The following ZNF367 variants were observed in gnomAD, a reference collection of about 807,000 sequenced individuals.
ZNF367 encodes the protein C2H2 zinc finger protein ZFF29.
Under a neutral mutation model 31.8 loss-of-function variants are expected in ZNF367, and 11 were observed. The observed-to-expected ratio is 0.35, with a 90% CI of 0.22 to 0.57. The LOEUF is 0.57. Among genes scored for constraint, ZNF367 ranks in the 20% least tolerant of loss-of-function variants. The pLI, the probability that ZNF367 is intolerant of heterozygous loss-of-function variation, is 0.85. For missense variants in ZNF367, 353 were observed against 484.1 expected (o/e 0.73, Z 2.54); for synonymous variants, 199 against 202.4 (o/e 0.98, Z 0.14).
At chr9:96,390,711 C>G (rs1463371382) in intron 4 of ZNF367, among the ~76,000 whole-genome samples, 1 of 151,876 alleles carries the variant, frequency 6.6e-6, no homozygotes, top group Non-Finnish European at 1.5e-5. Context: ...TGACAAGACC[C>G]AGTCTCTACA....
chr9:96,394,932 G>A lies in ZNF367; in HGVS notation c.582C>T (p.Pro194=). ...AHKRTHTGER[P]YLCDYPDCGK... ...CACAGTCTGGATAGTCACACAGATA[G>A]GGCCTCTCACCTAAGTAGACAGATG... Residue 194 remains proline (P), a synonymous_variant, in exon 3 of 5, where the codon CCC becomes CCT. Transcript: ENST00000375256. 1.9e-6 allele frequency: 3 copies of A among 1,613,946 alleles called. No homozygotes were observed. Among genetic ancestry groups the A allele is most frequent in the Non-Finnish European group, 2.5e-6 (3 of 1,179,916 alleles).
intron 4 of ZNF367, among the ~76,000 whole-genome samples, chr9:96,389,720 GTTTTTATTTA>G (rs1322587730): frequency 6.6e-6 from 1 of 151,714 alleles, no homozygotes; most frequent in Non-Finnish European, 1.5e-5. Flanking sequence ...CAACAAAGCT[GTTTTTATTTA>G]TTTTTATTTT....
chr9:96,398,050 A>C (rs1483174683), intron 2 of ZNF367, 114 bp downstream of exon 2: 12 of 1,051,636 alleles, frequency 1.1e-5, no homozygotes, highest in Non-Finnish European at 1.4e-5. Flanking sequence ...AGATCGCGCC[A>C]CTGCACTCCA....
chr9:96,394,528 G>GGATA (rs1363909365), intron 3 of ZNF367, among the ~76,000 whole-genome samples: 1 of 152,130 alleles, frequency 6.6e-6, no homozygotes, highest in East Asian at 1.9e-4. Context: ...TTGAGAGGAT[G>GGATA]GATAGCCCAT....
intron 1 of ZNF367, among the ~76,000 whole-genome samples, chr9:96,400,490 G>T (rs551863402): frequency 6.7e-6 from 1 of 149,902 alleles, no homozygotes; most frequent in South Asian, 2.1e-4. Context: ...CAAAGAGACA[G>T]AAATTATAAA....
At chr9:96,410,863 C>T (rs559272774) in intron 1 of ZNF367, among the ~76,000 whole-genome samples, 9 of 150,702 alleles carry the variant, frequency 6.0e-5, no homozygotes, top group Middle Eastern at 3.4e-3. Flanking sequence ...GGCAACAGAG[C>T]GAGACTCTGT....
At chr9:96,389,148 A>G (rs7035328) in intron 4 of ZNF367, among the ~76,000 whole-genome samples, 1 of 151,704 alleles carries the variant, frequency 6.6e-6, no homozygotes, top group Admixed American at 6.6e-5. Flanking sequence ...AAATACAAAA[A>G]AATTTGCCGG....
intron 1 of ZNF367, among the ~76,000 whole-genome samples, chr9:96,406,503 A>G (rs552128928): frequency 9.5e-4 from 145 of 152,350 alleles, no homozygotes; most frequent in African/African-American, 3.4e-3. Context: ...GAATATTCAA[A>G]TTAGTTGTAC....
At chr9:96,398,403 C>A in intron 1 of ZNF367, 89 bp from the exon 2 acceptor site, 1 of 1,275,638 alleles carries the variant, frequency 7.8e-7, no homozygotes, top group Non-Finnish European at 1.1e-6. Context: ...AAAAATCTTT[C>A]TTGGGAGCTG....
Position 96,398,305 on chromosome 9 carries a change from G to A in ZNF367, c.430C>T (p.Arg144Ter), listed in dbSNP as rs1831559908. 3 of 1,603,408 alleles carry A rather than the reference G, an allele frequency of 1.9e-6. No individual in the cohort carries two copies. Among genetic ancestry groups the A allele is most frequent in the East Asian group, 2.2e-5 (1 of 44,812 alleles). ...PDSGHLKDGI[R>*]RGRPRADTVR... is the part of the protein sequence containing the mutation. ...GTATCTGCTCTGGGCCTACCACGTC[G>A]GATTCCATCCTGTTGATAATTTTTA... The change falls in exon 2 of 5, where the codon CGA becomes TGA. Residue 144 changes from arginine (R) to a stop codon, truncating the protein, a stop_gained. Transcript: ENST00000375256. LOFTEE classifies it high-confidence loss of function.
At position 96,417,893 on chromosome 9, in the gene ZNF367, C is replaced by A; in HGVS notation, c.140G>T (p.Gly47Val). The change falls in exon 1 of 5, where the codon GGA (glycine) becomes GTA (valine). Residue 47 changes from glycine to valine, a missense_variant. Physicochemically the swap from Gly to Val is moderately radical, Grantham distance 109 (BLOSUM62 -3). This residue lies in a region of ZNF367 where 94 missense variants were observed against 86.7 expected (regional missense o/e 1.08). Coordinates refer to ENST00000375256, the MANE Select transcript of ZNF367 (RefSeq NM_153695.4). This position sits in a 1 kb window ranked among gnomAD's most constrained non-coding sequence, Gnocchi z 5.0. ...TTPIKPTCGG[G>V]GEPEPPPPLI... ...CGGCGGCGGCGGCTCCGGCTCCCCT[C>A]CACCGCCGCACGTTGGCTTGATCGG... 3 of 1,520,424 alleles carry A rather than the reference C, an allele frequency of 2.0e-6. No individual in the cohort carries two copies. The highest frequency in any genetic ancestry group is 2.7e-5 in the East Asian group (1 of 36,938). 94.2% of individuals were successfully genotyped at this position (1,520,424 alleles called of 1,614,324 possible). A position where few individuals can be genotyped will look rare whatever the true frequency, so the allele number is the denominator to read the frequency against.
Position 96,403,068 on chromosome 9 carries a change from C to T in ZNF367, c.421-4754G>A, listed in dbSNP as rs187384397. Among the ~76,000 whole-genome samples, 210 of 152,034 alleles carry T rather than the reference C, an allele frequency of 1.4e-3. 1 individual carries two copies. Among genetic ancestry groups the T allele is most frequent in the Non-Finnish European group, 6.3e-4 (43 of 67,998 alleles). ...CATTGCAACCTCCACCTCCCAGGTT[C>T]CAGCAATTCTCCTGCCTCAGCCTCC... On this transcript the variant is annotated intron_variant, in intron 1 of 4. Transcript: ENST00000375256.
intron 1 of ZNF367, among the ~76,000 whole-genome samples, chr9:96,404,934 A>G (rs1831653078): frequency 6.6e-6 from 1 of 152,210 alleles, no homozygotes; most frequent in South Asian, 2.1e-4. Context: ...AAAAAACTCA[A>G]TTAAAAAATA....
At chr9:96,398,048 C>T in intron 2 of ZNF367, 116 bp downstream of exon 2, 1 of 1,021,458 alleles carries the variant, frequency 9.8e-7, no homozygotes. Flanking sequence ...CAAGATCGCG[C>T]CACTGCACTC....
At position 96,417,740 on chromosome 9, in the gene ZNF367, G is replaced by A; in HGVS notation, c.293C>T (p.Ala98Val). The A allele has an allele frequency of 8.1e-7, 1 of 1,230,112 alleles. No individual in the cohort carries two copies. Among genetic ancestry groups the A allele is most frequent in the Non-Finnish European group, 1.0e-6 (1 of 985,926 alleles). 76.2% of individuals were successfully genotyped at this position (1,230,112 alleles called of 1,614,324 possible). A position where few individuals can be genotyped will look rare whatever the true frequency, so the allele number is the denominator to read the frequency against. Reference sequence around the variant, plus strand: ...AAGCCCCGAGTGCTCGGCGGCTGCGGCTGCAGGCAGGGCGGCCGAGGCGGC... The same window carrying A: ...AAGCCCCGAGTGCTCGGCGGCTGCGACTGCAGGCAGGGCGGCCGAGGCGGC... ...GAAASAALPA[A>V]AAAEHSGLRG... The change falls in exon 1 of 5, where the codon GCC becomes GTC. Residue 98 changes from alanine to valine, a missense_variant. Around this residue, in one of 5 missense-constraint regions of ZNF367, gnomAD observed 70 missense variants for 57.1 expected, o/e 1.23. Coordinates refer to ENST00000375256, the MANE Select transcript of ZNF367 (RefSeq NM_153695.4). This position sits in a 1 kb window ranked among gnomAD's most constrained non-coding sequence, Gnocchi z 5.0.
At chr9:96,408,877 G>A (rs2131080572) in intron 1 of ZNF367, among the ~76,000 whole-genome samples, 1 of 152,266 alleles carries the variant, frequency 6.6e-6, no homozygotes. Context: ...ACTTGCTTTG[G>A]CCAATAAAAT....
Position 96,418,092 on chromosome 9 carries a change from CCCTCACTCGCTCTGCT to C in ZNF367, c.-76_-61del. 1 of 1,314,908 alleles carries C rather than the reference CCCTCACTCGCTCTGCT, an allele frequency of 7.6e-7. No homozygotes were observed. The highest frequency in any genetic ancestry group is 9.7e-7 in the Non-Finnish European group (1 of 1,033,304). 81.5% of individuals were successfully genotyped at this position (1,314,908 alleles called of 1,614,324 possible). A position where few individuals can be genotyped will look rare whatever the true frequency, so the allele number is the denominator to read the frequency against. The stretch of plus-strand genomic sequence containing the variant: ...GCCGCACTCCTGAGCACCGCTCTGC[CCCTCACTCGCTCTGCT>C]CCGAGTCGCAGGCTCAGTCCTGCCG... On this transcript the variant is annotated 5_prime_UTR_variant, in exon 1 of 5. Transcript: ENST00000375256.
intron 3 of ZNF367, among the ~76,000 whole-genome samples, chr9:96,393,531 A>C (rs1831496320): frequency 6.7e-6 from 1 of 150,114 alleles, no homozygotes; most frequent in Non-Finnish European, 1.5e-5. Context: ...AAACAATAAA[A>C]AATAAATAAA....
Position 96,418,314 on chromosome 9 carries a change from C to CAGGAA in ZNF367, c.-287_-283dup, listed in dbSNP as rs1330109324. The CAGGAA allele has an allele frequency of 7.7e-6, 3 of 391,438 alleles. No homozygotes were observed. Among genetic ancestry groups the CAGGAA allele is most frequent in the Non-Finnish European group, 1.3e-5 (3 of 224,806 alleles). The allele number at this position is 391,438 out of a possible 1,614,324, so 24.2% of individuals were successfully genotyped here. On this transcript the variant is annotated 5_prime_UTR_variant, in exon 1 of 5. Coordinates refer to ENST00000375256, the MANE Select transcript of ZNF367 (RefSeq NM_153695.4). ...GCGGGCGGCCCGGCCCTTGCGGTGACAGGAAAGCAGGACGCGCGGCGCTGA... is the reference window on the plus strand; with the variant it reads ...GCGGGCGGCCCGGCCCTTGCGGTGACAGGAAAGGAAAGCAGGACGCGCGGCGCTGA...
Sources: gnomAD v4.1 joint callset for allele counts (sites outside exome capture counted in the v4.1 genomes callset) on GRCh38, gnomAD v4.1.1 for gene constraint, gnomAD v4.1.1 regional missense constraint, Gnocchi (gnomAD v3.1) non-coding constraint, MANE v1.5 for transcripts, NCBI Gene and HGNC (gene_info 2026-07-23, HGNC 2026-07-21) for gene names.